Variants in HEATR4 observed in about 807,000 individuals in gnomAD.
HEATR4 encodes HEAT repeat-containing protein 4.
A neutral mutation model predicts 108.8 loss-of-function variants in HEATR4; 95 were observed. The ratio of observed to expected loss-of-function variants is 0.87; its 90% CI spans 0.74 to 1.04. The LOEUF (loss-of-function observed/expected upper bound fraction) is 1.04, where lower values mean the gene tolerates loss of function less well. HEATR4 is among the 50% of genes least tolerant of loss of function. The probability of loss-of-function intolerance (pLI) is 0.00; values close to 1 mark genes in which losing one functional copy is unlikely to be tolerated. For synonymous variants in HEATR4, 443 were observed against 459.4 expected (o/e 0.96, Z 0.46); for missense variants, 1,152 against 1,253.8 (o/e 0.92, Z 1.23).
At chr14:73,563,520 G>A (rs1382302689), upstream of HEATR4, among the ~76,000 whole-genome samples, 3 of 152,004 alleles carry the variant, frequency 2.0e-5, no homozygotes, top group Admixed American at 1.3e-4. Flanking sequence ...ACTTGAACCC[G>A]GGAGGTGGAG....
the HEATR4 span, among the ~76,000 whole-genome samples, chr14:73,628,791 C>A: frequency 6.6e-6 from 1 of 151,612 alleles, no homozygotes; most frequent in Non-Finnish European, 1.5e-5. Flanking sequence ...GTGGCTCATG[C>A]CGGTAATCCT....
chr14:73,593,649 G>A, the HEATR4 span: 1 of 1,512,348 alleles, frequency 6.6e-7, no homozygotes, highest in Non-Finnish European at 8.9e-7. Context: ...AGCCAGGAAA[G>A]CAAATTCTTT....
At chr14:73,500,511 G>A in intron 12 of HEATR4, 39 bp downstream of exon 12, 1 of 1,589,568 alleles carries the variant, frequency 6.3e-7, no homozygotes. Flanking sequence ...CCCTCTTCAG[G>A]TCAATCAGGT....
At chr14:73,517,655 G>C (rs1887686075) in intron 5 of HEATR4, among the ~76,000 whole-genome samples, 1 of 120,204 alleles carries the variant, frequency 8.3e-6, no homozygotes, top group African/African-American at 3.2e-5. Flanking sequence ...GAAACAGAGT[G>C]AGACCCTGTC....
At chr14:73,509,808 G>T (rs1186797650) in intron 7 of HEATR4, among the ~76,000 whole-genome samples, 1 of 63,466 alleles carries the variant, frequency 1.6e-5, no homozygotes, top group Non-Finnish European at 2.9e-5. Context: ...TGCCCCATGA[G>T]CCCATATATA....
the HEATR4 span, among the ~76,000 whole-genome samples, chr14:73,576,169 AAATT>A: frequency 2.3e-4 from 35 of 151,994 alleles, no homozygotes; most frequent in East Asian, 4.1e-3. Flanking sequence ...TCTGCCTCAA[AAATT>A]AATTAATTAA....
intron 1 of HEATR4, among the ~76,000 whole-genome samples, chr14:73,558,406 G>C (rs1363373933): frequency 5.8e-5 from 8 of 137,006 alleles, no homozygotes; most frequent in Non-Finnish European, 1.1e-4. Flanking sequence ...CACTCTCCTG[G>C]AGTACAGTGG....
In HEATR4 at chr14:73,498,362, C is replaced by T. The variant is rs779477235; in HGVS notation, c.2357-18G>A. On this transcript the variant is annotated intron_variant, in intron 13 of 17. Coordinates refer to ENST00000553558, the MANE Select transcript of HEATR4 (RefSeq NM_001220484.1). ...TCCCAAAGCTGCAGAGATTAGAGGG[C>T]AGCATGTCACTGAAGACTGAGCTTA... 1.9e-6 allele frequency: 3 copies of T among 1,565,400 alleles called. No homozygotes were observed. The highest frequency in any genetic ancestry group is 1.1e-5 in the South Asian group (1 of 87,202).
chr14:73,478,582 C>G lies in HEATR4; in HGVS notation c.*24G>C, dbSNP rs775832562. The G allele has an allele frequency of 1.3e-6, 2 of 1,517,460 alleles. No homozygotes were observed. Among genetic ancestry groups the G allele is most frequent in the Admixed American group, 3.4e-5 (2 of 58,478 alleles). The allele number at this position is 1,517,460 out of a possible 1,614,324, so 94.0% of individuals were successfully genotyped here. ...TGACCAGGTCCACTGCTTCCTGCAT[C>G]TTGAAGTAAGACAAGTGTTCAGCTT... On this transcript the variant is annotated 3_prime_UTR_variant, in exon 18 of 18. Transcript: ENST00000553558.
At position 73,542,988 on chromosome 14, in the gene HEATR4, A is replaced by G; in HGVS notation, c.-151-12744T>C. 1.6e-6 allele frequency: 2 copies of G among 1,234,368 alleles called. 1 individual carries two copies. Among genetic ancestry groups the G allele is most frequent in the Non-Finnish European group, 2.2e-6 (2 of 929,382 alleles). The allele number at this position is 1,234,368 out of a possible 1,614,324, so 76.5% of individuals were successfully genotyped here. On this transcript the variant is annotated intron_variant, in intron 1 of 17. Transcript: ENST00000553558. ...TCAACTAACTTCCAGGGTGGGCACA[A>G]CTCACCATATTCCACTGTTTGTGGA...
At position 73,520,678 on chromosome 14, in the gene HEATR4, A is replaced by G. The variant is rs1887917500; in HGVS notation, c.1069+174T>C. 3 of 595,642 alleles carry G rather than the reference A, an allele frequency of 5.0e-6. No homozygotes were observed. In the Admixed American group the frequency reaches 8.9e-5, roughly 18 times the overall value. 36.9% of individuals were successfully genotyped at this position (595,642 alleles called of 1,614,324 possible). A position where few individuals can be genotyped will look rare whatever the true frequency, so the allele number is the denominator to read the frequency against. The stretch of plus-strand genomic sequence containing the variant: ...GAGAGCAGTTCCCTCCCTATTAGTT[A>G]TCACTCCCCGACCCAACTCCTGTGC... On this transcript the variant is annotated intron_variant, in intron 4 of 17. Coordinates refer to ENST00000553558, the MANE Select transcript of HEATR4 (RefSeq NM_001220484.1).
chr14:73,513,777 GTCT>G (rs1887419402), intron 6 of HEATR4, among the ~76,000 whole-genome samples: 1 of 142,154 alleles, frequency 7.0e-6, no homozygotes, highest in Admixed American at 7.3e-5. Context: ...CCTCTGAAGA[GTCT>G]GCAGTGTAAT....
At position 73,512,092 on chromosome 14, in the gene HEATR4, T is replaced by G; in HGVS notation, c.1472A>C (p.His491Pro). Residue 491 changes from histidine (H) to proline (P), a missense_variant, in exon 7 of 18, where the codon CAT becomes CCT. By Grantham distance (77) the His-to-Pro change is moderately conservative. Transcript: ENST00000553558. ...GATAGCTTTGATCCGAACGTCATCA[T>G]GCAGGTCTCCCAAGCTCTGAAGCAG... is the stretch of plus-strand genomic sequence containing the variant. Reference protein sequence around the residue: ...ENLLQSLGDLHDDVRIKAITT... With the variant: ...ENLLQSLGDLPDDVRIKAITT... The G allele has an allele frequency of 1.2e-6, 2 of 1,614,190 alleles. No homozygotes were observed. Among genetic ancestry groups the G allele is most frequent in the Non-Finnish European group, 1.7e-6 (2 of 1,180,036 alleles).
At chr14:73,537,479 C>T (rs778099502) in intron 1 of HEATR4, 1 of 1,226,198 alleles carries the variant, frequency 8.2e-7, no homozygotes, top group South Asian at 1.4e-5. Context: ...CGAACCGGTG[C>T]GAATCGCCGT....
intron 16 of HEATR4, 112 bp from the exon 17 acceptor site, chr14:73,493,236 T>A: frequency 2.4e-6 from 2 of 830,212 alleles, no homozygotes; most frequent in African/African-American, 1.7e-5. Flanking sequence ...TGGGTAACAC[T>A]GACCATGTCG....
intron 14 of HEATR4, among the ~76,000 whole-genome samples, chr14:73,497,559 GAC>G (rs1886179064): frequency 6.6e-6 from 1 of 152,104 alleles, no homozygotes; most frequent in Admixed American, 6.6e-5. Context: ...TGGTCTTTTT[GAC>G]TCTAAAACTT....
chr14:73,509,515 G>C (rs1273558246), intron 7 of HEATR4, 42 bp from the exon 8 acceptor site: 1 of 1,602,676 alleles, frequency 6.2e-7, no homozygotes, highest in East Asian at 2.2e-5. Context: ...TAGCCCCTTT[G>C]CTTTTCTCAC....
chr14:73,480,020 A>G, intron 17 of HEATR4, among the ~76,000 whole-genome samples: 1 of 152,252 alleles, frequency 6.6e-6, no homozygotes, highest in East Asian at 1.9e-4. Context: ...TGTAGAAGGA[A>G]CACAATATCT....
rs544641623 is a variant in HEATR4, at chr14:73,536,986, GT to G, written c.-151-6743del. 2.6e-3 allele frequency: 202 copies of G among 77,402 alleles called. 3 individuals carry two copies. The highest frequency in any genetic ancestry group is 4.2e-3 in the Non-Finnish European group (140 of 33,710). 4.8% of individuals were successfully genotyped at this position (77,402 alleles called of 1,614,324 possible). ...GACTGCTAGCTGCCTGGTTGTTGTT[GT>G]TTTTTTTTTTTTCTGAGACGGACTT... On this transcript the variant is annotated intron_variant, in intron 1 of 17. Transcript: ENST00000553558.
Sources: gnomAD v4.1 joint callset for allele counts (sites outside exome capture counted in the v4.1 genomes callset) on GRCh38, gnomAD v4.1.1 for gene constraint, MANE v1.5 for transcripts, NCBI Gene and HGNC (gene_info 2026-07-23, HGNC 2026-07-21) for gene names.